Variants in CC2D2A observed in about 807,000 individuals in gnomAD.
CC2D2A encodes the protein coiled-coil and C2 domain containing 2A.
Under a neutral mutation model 212.9 loss-of-function variants are expected in CC2D2A, and 155 were observed. The ratio of observed to expected loss-of-function variants is 0.73; its 90% CI spans 0.64 to 0.83. CC2D2A has a LOEUF of 0.83. Ranked by LOEUF, CC2D2A falls within the 40% of genes least tolerant of loss-of-function variation. The pLI is 0.00. For missense variants in CC2D2A, 1,856 were observed against 1,956.2 expected (o/e 0.95, Z 0.97); for synonymous variants, 667 against 686.5 (o/e 0.97, Z 0.44).
chr4:15,599,067 T>G (rs1721456113), intron 35 of CC2D2A, among the ~76,000 whole-genome samples: 1 of 151,994 alleles, frequency 6.6e-6, no homozygotes, highest in South Asian at 2.1e-4. Flanking sequence ...GAGGCTGAGG[T>G]GGGAGGTTCA....
chr4:15,495,478 G>A (rs769458213), intron 4 of CC2D2A, among the ~76,000 whole-genome samples: 9 of 152,106 alleles, frequency 5.9e-5, no homozygotes, highest in Non-Finnish European at 7.4e-5. Context: ...AAGAACATGC[G>A]GTATTTGGTT....
At chr4:15,536,851 A>T (rs1718158299) in intron 14 of CC2D2A, 69 bp from the exon 15 acceptor site, 2 of 1,458,800 alleles carry the variant, frequency 1.4e-6, no homozygotes, top group Middle Eastern at 1.8e-4. Context: ...CAATATAAGT[A>T]TTTGCTGTTA....
At chr4:15,491,399 A>G (rs1209853961) in intron 4 of CC2D2A, among the ~76,000 whole-genome samples, 1 of 152,094 alleles carries the variant, frequency 6.6e-6, no homozygotes, top group Non-Finnish European at 1.5e-5. Flanking sequence ...TAAAATGACT[A>G]TTTACTTTTC....
At chr4:15,551,067 T>G in intron 18 of CC2D2A, 87 bp downstream of exon 18, 3 of 1,131,024 alleles carry the variant, frequency 2.7e-6, no homozygotes, top group Non-Finnish European at 3.6e-6. Flanking sequence ...CAGACAACCA[T>G]AGAATTATAA....
chr4:15,539,695 A>C (rs992487259), intron 16 of CC2D2A, among the ~76,000 whole-genome samples: 1 of 152,196 alleles, frequency 6.6e-6, no homozygotes, highest in Non-Finnish European at 1.5e-5. Context: ...ACCATACCCT[A>C]TAATTTTAAT....
chr4:15,496,424 G>C (rs982775128), intron 4 of CC2D2A, among the ~76,000 whole-genome samples: 4 of 152,084 alleles, frequency 2.6e-5, no homozygotes, highest in Non-Finnish European at 5.9e-5. Flanking sequence ...TGAAAGGAAA[G>C]AGTCTTCTGC....
intron 19 of CC2D2A, among the ~76,000 whole-genome samples, chr4:15,554,215 T>C (rs1214844177): frequency 6.6e-6 from 1 of 152,196 alleles, no homozygotes; most frequent in African/African-American, 2.4e-5. Context: ...TAGAAAAATC[T>C]CCTGGGGAGT....
chr4:15,596,132 T>G lies in CC2D2A; in HGVS notation c.4362T>G (p.Phe1454Leu). The G allele has an allele frequency of 6.5e-7, 1 of 1,550,012 alleles. No homozygotes were observed. Among genetic ancestry groups the G allele is most frequent in the African/African-American group, 1.4e-5 (1 of 73,118 alleles). ...QRYESPLRIN[F>L]DVTRPKLWKS... is the part of the protein sequence containing the mutation. ...ATGAATCTCCACTAAGGATAAATTT[T>G]GATGTCACCAGGCCCAAGCTATGGA... The change falls in exon 34 of 37, where the codon TTT becomes TTG. Residue 1454 changes from phenylalanine to leucine, a missense_variant. Phe to Leu is a conservative substitution (Grantham distance 22). Around this residue, in one of 5 missense-constraint regions of CC2D2A, gnomAD observed 285 missense variants for 278.4 expected, o/e 1.02. Transcript: ENST00000424120.
chr4:15,509,493 T>A (rs545590605), intron 6 of CC2D2A, among the ~76,000 whole-genome samples: 1 of 152,168 alleles, frequency 6.6e-6, no homozygotes, highest in African/African-American at 2.4e-5. Context: ...AGGCTGGTCT[T>A]GAACTCCTGA....
intron 4 of CC2D2A, among the ~76,000 whole-genome samples, chr4:15,501,837 CA>C (rs35634113): frequency 6.6e-6 from 1 of 152,284 alleles, no homozygotes; most frequent in East Asian, 1.9e-4. Context: ...ATGCAGGTAT[CA>C]CAGAACCTGG....
Position 15,502,938 on chromosome 4 carries a change from C to G in CC2D2A, c.438+15C>G. On this transcript the variant is annotated intron_variant, in intron 6 of 36. Coordinates refer to ENST00000424120, the MANE Select transcript of CC2D2A (RefSeq NM_001378615.1). Reference sequence around the variant, plus strand: ...TTGGCACAGAGGTGAGAAATACCCTCTCTACTTTGTGATCAAAACCAGTAA... The same window carrying G: ...TTGGCACAGAGGTGAGAAATACCCTGTCTACTTTGTGATCAAAACCAGTAA... 2.5e-6 allele frequency: 4 copies of G among 1,572,078 alleles called. No homozygotes were observed. The highest frequency in any genetic ancestry group is 3.5e-6 in the Non-Finnish European group (4 of 1,156,610).
At chr4:15,557,259 A>G (rs1229105512) in intron 20 of CC2D2A, 45 bp from the exon 21 acceptor site, 3 of 1,380,920 alleles carry the variant, frequency 2.2e-6, no homozygotes, top group Non-Finnish European at 3.0e-6. Context: ...TCTTTGGATG[A>G]GATCTGACTG....
chr4:15,481,016 G>C (rs1386045026), intron 4 of CC2D2A, among the ~76,000 whole-genome samples, 189 bp downstream of exon 4: 1 of 152,148 alleles, frequency 6.6e-6, no homozygotes, highest in Non-Finnish European at 1.5e-5. Flanking sequence ...CATAGCTTCA[G>C]GATGTGTTTC....
chr4:15,508,559 G>A (rs962657876), intron 6 of CC2D2A, among the ~76,000 whole-genome samples: 2 of 152,196 alleles, frequency 1.3e-5, no homozygotes, highest in Non-Finnish European at 2.9e-5. Flanking sequence ...AAGTGGTACA[G>A]TTAAAATTCA....
intron 17 of CC2D2A, among the ~76,000 whole-genome samples, chr4:15,548,172 A>G (rs1718808764): frequency 6.6e-6 from 1 of 151,936 alleles, no homozygotes; most frequent in Non-Finnish European, 1.5e-5. Context: ...TCTCATTAAA[A>G]AAATCTGATA....
At chr4:15,483,383 T>G (rs773901680) in intron 4 of CC2D2A, among the ~76,000 whole-genome samples, 1 of 152,210 alleles carries the variant, frequency 6.6e-6, no homozygotes, top group African/African-American at 2.4e-5. Flanking sequence ...AACACACAGA[T>G]GTATGTGTAG....
chr4:15,559,553 G>A (rs556673330), intron 22 of CC2D2A, among the ~76,000 whole-genome samples: 3 of 152,142 alleles, frequency 2.0e-5, no homozygotes, highest in African/African-American at 4.8e-5. Context: ...GTTGCATTGC[G>A]TTACAATGAT....
At chr4:15,503,969 G>GA (rs1716117152) in intron 6 of CC2D2A, among the ~76,000 whole-genome samples, 1 of 152,158 alleles carries the variant, frequency 6.6e-6, no homozygotes, top group Non-Finnish European at 1.5e-5. Flanking sequence ...TAAGACGGCA[G>GA]AAAAAGGAAC....
intron 4 of CC2D2A, among the ~76,000 whole-genome samples, chr4:15,484,048 C>T (rs1303625687): frequency 6.6e-6 from 1 of 152,164 alleles, no homozygotes; most frequent in African/African-American, 2.4e-5. Context: ...AGAGTTTATA[C>T]TCCAGTTGTG....
Sources: allele counts gnomAD v4.1 joint callset (sites outside exome capture counted in the v4.1 genomes callset), GRCh38; gene constraint gnomAD v4.1.1; regional missense constraint gnomAD v4.1.1; transcripts MANE v1.5; gene names NCBI Gene and HGNC (gene_info 2026-07-23, HGNC 2026-07-21).